The following WWOX variants were observed in gnomAD, a reference collection of about 807,000 sequenced individuals.
WWOX encodes the protein WW domain containing oxidoreductase, also known as WW domain-containing oxidoreductase.
In WWOX, 69 loss-of-function variants were observed where a neutral mutation model predicts 46.2. The observed-to-expected ratio is 1.49, with a 90% CI of 1.23 to 1.82. The LOEUF (loss-of-function observed/expected upper bound fraction) is 1.82, where lower values mean the gene tolerates loss of function less well. Among genes scored for constraint, WWOX ranks in the 40% most tolerant of loss-of-function variants. The pLI is 0.00. For synonymous variants in WWOX, 359 were observed against 202.6 expected, an observed-to-expected ratio of 1.77 and a Z score of -6.56; for missense variants, 919 against 542.6, an observed-to-expected ratio of 1.69 and a Z score of -6.89.
chr16:78,759,868 C>A (rs1427078023), intron 8 of WWOX, among the ~76,000 whole-genome samples: 3 of 152,138 alleles, frequency 2.0e-5, no homozygotes, highest in Admixed American at 2.0e-4. Flanking sequence ...CTTTCATCTT[C>A]CAGTCTCTAG....
intron 8 of WWOX, among the ~76,000 whole-genome samples, chr16:78,917,949 C>G (rs1441891905): frequency 3.9e-5 from 6 of 152,104 alleles, no homozygotes; most frequent in Non-Finnish European, 7.4e-5. Context: ...CACACATAAT[C>G]TTAGCACTTT....
At chr16:78,406,666 G>A (rs2082555350) in intron 6 of WWOX, among the ~76,000 whole-genome samples, 1 of 131,832 alleles carries the variant, frequency 7.6e-6, no homozygotes, top group Non-Finnish European at 1.6e-5. Context: ...TCACTCTGTT[G>A]CCGAGGCTGG....
intron 4 of WWOX, among the ~76,000 whole-genome samples, chr16:78,141,038 T>A (rs2033967721): frequency 6.6e-6 from 1 of 152,200 alleles, no homozygotes. Flanking sequence ...TTATGGAGCA[T>A]GATTTTCAGA....
intron 5 of WWOX, among the ~76,000 whole-genome samples, chr16:78,185,363 G>A (rs1179486567): frequency 2.0e-5 from 3 of 152,174 alleles, no homozygotes; most frequent in African/African-American, 7.2e-5. Context: ...TAAAATTGAT[G>A]AGACTCTGTC....
At chr16:78,518,946 G>A (rs2043293339) in intron 8 of WWOX, among the ~76,000 whole-genome samples, 1 of 152,222 alleles carries the variant, frequency 6.6e-6, no homozygotes, top group Non-Finnish European at 1.5e-5. Context: ...TATAGGAAAA[G>A]GCAGCTTACA....
intron 8 of WWOX, among the ~76,000 whole-genome samples, chr16:79,154,837 G>A (rs1170560660): frequency 6.6e-6 from 1 of 152,084 alleles, no homozygotes; most frequent in African/African-American, 2.4e-5. Flanking sequence ...TTACACCTGT[G>A]CTTTTATAAA....
chr16:78,472,673 G>T (rs1163913413), intron 8 of WWOX, among the ~76,000 whole-genome samples: 1 of 151,820 alleles, frequency 6.6e-6, no homozygotes, highest in African/African-American at 2.4e-5. Context: ...GCCAGGAATG[G>T]TGGTACACAG....
intron 8 of WWOX, among the ~76,000 whole-genome samples, chr16:78,497,116 C>A (rs1358351149): frequency 6.6e-6 from 1 of 152,232 alleles, no homozygotes; most frequent in Non-Finnish European, 1.5e-5. Context: ...CATAAAACAA[C>A]AGATGACCTT....
At chr16:78,974,026 T>C (rs950529906) in intron 8 of WWOX, among the ~76,000 whole-genome samples, 1 of 152,250 alleles carries the variant, frequency 6.6e-6, no homozygotes, top group Non-Finnish European at 1.5e-5. Flanking sequence ...GCAACATTTA[T>C]GTTGAATGTT....
rs115355298 is a variant in WWOX, at chr16:78,577,772, G to C, written c.1056+145020G>C. 6.4e-3 allele frequency among the ~76,000 whole-genome samples: 977 copies of C among 152,222 alleles called. 10 individuals are homozygous for C. Among genetic ancestry groups the C allele is most frequent in the African/African-American group, 0.022 (928 of 41,528 alleles). On this transcript the variant is annotated intron_variant, in intron 8 of 8. Transcript: ENST00000566780. ...GCAGTCTTGCGGAAGGTGCCACTTT[G>C]CGAACGATCTGTTGCTAGGTAATGT...
At chr16:78,873,252 T>A (rs150033844) in intron 8 of WWOX, 1 of 152,218 alleles carries the variant, frequency 6.6e-6, no homozygotes, top group Admixed American at 6.5e-5. Flanking sequence ...TAAAAATTTG[T>A]TTTAGATAGA....
intron 8 of WWOX, among the ~76,000 whole-genome samples, chr16:78,484,224 T>C (rs994479157): frequency 2.0e-5 from 3 of 152,042 alleles, no homozygotes; most frequent in Admixed American, 6.5e-5. Context: ...TTTGCAGTAA[T>C]ACTTTTGTAC....
At chr16:78,123,961 C>G (rs2033245606) in intron 4 of WWOX, 1 of 152,062 alleles carries the variant, frequency 6.6e-6, no homozygotes. Flanking sequence ...AAGCAGATAG[C>G]CAGTGTTCTC....
chr16:78,370,016 C>T (rs1788735096), intron 5 of WWOX, among the ~76,000 whole-genome samples: 1 of 151,338 alleles, frequency 6.6e-6, no homozygotes, highest in Non-Finnish European at 1.5e-5. Flanking sequence ...TCTGTAATCC[C>T]AGCTACCTGG....
chr16:78,243,906 A>C (rs1376487477), intron 5 of WWOX, among the ~76,000 whole-genome samples: 1 of 152,182 alleles, frequency 6.6e-6, no homozygotes, highest in Non-Finnish European at 1.5e-5. Flanking sequence ...TACAAATGAG[A>C]ACATGTGGTA....
At chr16:79,009,080 TGGCAGAGGG>T (rs1393819130) in intron 8 of WWOX, among the ~76,000 whole-genome samples, 2 of 152,220 alleles carry the variant, frequency 1.3e-5, no homozygotes, top group African/African-American at 4.8e-5. Context: ...TCCACGGAGC[TGGCAGAGGG>T]GGCAGAGGTG....
chr16:78,103,978 C>T (rs1356127300), intron 1 of WWOX, among the ~76,000 whole-genome samples: 1 of 152,008 alleles, frequency 6.6e-6, no homozygotes, highest in African/African-American at 2.4e-5. Flanking sequence ...CGAGGTAGAC[C>T]GGGAACCCAA....
rs569709764 is a variant in WWOX, at chr16:78,556,351, T to G, written c.1056+123599T>G. On this transcript the variant is annotated intron_variant, in intron 8 of 8. Transcript: ENST00000566780. ...TGGCTTGCTGGCTGTCAGGATCTGG[T>G]TCAAGGAAGGCAAAGGGAATTTTAT... Among the ~76,000 whole-genome samples the G allele has an allele frequency of 3.7e-4, 56 of 151,674 alleles. No individual in the cohort carries two copies. In the South Asian group the frequency reaches 0.011, roughly 30 times the overall value.
chr16:79,044,388 T>C (rs1054638300), intron 8 of WWOX, among the ~76,000 whole-genome samples: 1 of 152,128 alleles, frequency 6.6e-6, no homozygotes, highest in Non-Finnish European at 1.5e-5. Flanking sequence ...GGGGTGGATT[T>C]CTCATGAATG....
Sources: allele counts gnomAD v4.1 joint callset (sites outside exome capture counted in the v4.1 genomes callset), GRCh38; gene constraint gnomAD v4.1.1; transcripts MANE v1.5; gene names NCBI Gene and HGNC (gene_info 2026-07-23, HGNC 2026-07-21).